Variants in KCNB2 observed in about 807,000 individuals in gnomAD.
KCNB2 encodes the protein delayed rectifier potassium channel protein.
Under a neutral mutation model 61.5 loss-of-function variants are expected in KCNB2, and 15 were observed. The observed-to-expected ratio is 0.24, with a 90% CI of 0.16 to 0.38. The LOEUF (loss-of-function observed/expected upper bound fraction) is 0.38. Among genes scored for constraint, KCNB2 ranks in the 10% least tolerant of loss-of-function variants. The pLI is 1.00. For missense variants in KCNB2, 828 were observed against 1,125.2 expected (o/e 0.74, Z 3.78); for synonymous variants, 457 against 446.0 (o/e 1.02, Z -0.31).
intron 2 of KCNB2, among the ~76,000 whole-genome samples, chr8:72,710,839 C>T (rs1807314307): frequency 6.6e-6 from 1 of 152,130 alleles, no homozygotes. Context: ...ACAGGTTTTC[C>T]TCAATGGGAA....
At chr8:72,678,868 C>A (rs1806706076) in intron 2 of KCNB2, among the ~76,000 whole-genome samples, 1 of 152,200 alleles carries the variant, frequency 6.6e-6, no homozygotes, top group South Asian at 2.1e-4. Context: ...TCCTGCCCAA[C>A]TATGCACCTC....
At chr8:72,808,488 GCA>G (rs541245894) in intron 2 of KCNB2, among the ~76,000 whole-genome samples, 142 of 152,244 alleles carry the variant, frequency 9.3e-4, no homozygotes, top group Middle Eastern at 3.4e-3. Context: ...AAACTGTTCA[GCA>G]CAGTCTATTT....
rs78419479 is a variant in KCNB2 at position 72,583,465 on chromosome 8, C to CA, written c.579+15162dup. ...AATTAATTCTTTCAAAATTCTGTGG[C>CA]AAAAAAAAAACAAAAAAAAACCTGT... On this transcript the variant is annotated intron_variant, in intron 2 of 2. Coordinates refer to ENST00000523207, the MANE Select transcript of KCNB2 (RefSeq NM_004770.3). 2.2e-3 allele frequency among the ~76,000 whole-genome samples: 322 copies of CA among 143,302 alleles called. 2 individuals are homozygous for CA. Among genetic ancestry groups the CA allele is most frequent in the Middle Eastern group, 7.0e-3 (2 of 284 alleles). 94.0% of individuals were successfully genotyped at this position (143,302 alleles called of 152,430 possible). A position where few individuals can be genotyped will look rare whatever the true frequency, so the allele number is the denominator to read the frequency against.
chr8:72,784,955 G>A (rs1040392666), intron 2 of KCNB2, among the ~76,000 whole-genome samples: 2 of 152,118 alleles, frequency 1.3e-5, no homozygotes, highest in Admixed American at 1.3e-4. Flanking sequence ...AAGTTGTATT[G>A]TGTGTTCTAC....
chr8:72,707,811 A>T (rs989280876), intron 2 of KCNB2, among the ~76,000 whole-genome samples: 1 of 152,208 alleles, frequency 6.6e-6, no homozygotes, highest in Non-Finnish European at 1.5e-5. Flanking sequence ...CAAGGAAATC[A>T]TCAATTAAGG....
intron 2 of KCNB2, among the ~76,000 whole-genome samples, chr8:72,720,833 T>C (rs555494731): frequency 2.0e-5 from 3 of 152,364 alleles, no homozygotes; most frequent in African/African-American, 7.2e-5. Flanking sequence ...CCCTAGATAC[T>C]ATAAATTATC....
At chr8:72,803,891 T>C (rs1404598396) in intron 2 of KCNB2, among the ~76,000 whole-genome samples, 1 of 152,146 alleles carries the variant, frequency 6.6e-6, no homozygotes, top group East Asian at 1.9e-4. Flanking sequence ...CCTTGGGCAA[T>C]AGCTTTACCT....
chr8:72,630,322 A>C (rs1805859393), intron 2 of KCNB2, among the ~76,000 whole-genome samples: 1 of 152,200 alleles, frequency 6.6e-6, no homozygotes, highest in African/African-American at 2.4e-5. Flanking sequence ...TCACATAATT[A>C]CTGATACAGA....
At chr8:72,787,333 G>A (rs999540902) in intron 2 of KCNB2, among the ~76,000 whole-genome samples, 3 of 152,044 alleles carry the variant, frequency 2.0e-5, no homozygotes, top group Admixed American at 6.6e-5. Flanking sequence ...GGAGTTTGAA[G>A]CTGAAGTAAG....
At position 72,833,239 on chromosome 8, in the gene KCNB2, G is replaced by A. The variant is rs2129002006; in HGVS notation, c.580-102696G>A. 2.0e-5 allele frequency among the ~76,000 whole-genome samples: 3 copies of A among 152,226 alleles called. 1 individual carries two copies. In the South Asian group the frequency reaches 6.2e-4, roughly 32 times the overall value. ...AATAAAATTTTAAAGAATAAAAATA[G>A]GAAGCTTCAGGAACTTTGATCAGCA... On this transcript the variant is annotated intron_variant, in intron 2 of 2. Transcript: ENST00000523207.
chr8:72,889,946 G>C (rs1464769388), intron 2 of KCNB2, among the ~76,000 whole-genome samples: 2 of 152,060 alleles, frequency 1.3e-5, no homozygotes, highest in Non-Finnish European at 2.9e-5. Context: ...AGTAGAGACA[G>C]GGCTTCATCA....
rs150881422 is a variant in KCNB2 at position 72,787,962 on chromosome 8, T to G, written c.580-147973T>G. On this transcript the variant is annotated intron_variant, in intron 2 of 2. Coordinates refer to ENST00000523207, the MANE Select transcript of KCNB2 (RefSeq NM_004770.3). Reference sequence around the variant, plus strand: ...GACAGACATCCAGATCTGGTGCTTCTTACTGTTTGTGACTTTAGGCAAGCT... The same window carrying G: ...GACAGACATCCAGATCTGGTGCTTCGTACTGTTTGTGACTTTAGGCAAGCT... Among the ~76,000 whole-genome samples the G allele has an allele frequency of 3.2e-3, 488 of 152,284 alleles. 3 individuals carry two copies. The highest frequency in any genetic ancestry group is 5.9e-3 in the Non-Finnish European group (402 of 68,014).
chr8:72,587,253 A>G (rs1475576524), intron 2 of KCNB2, among the ~76,000 whole-genome samples: 16 of 152,106 alleles, frequency 1.1e-4, no homozygotes, highest in African/African-American at 2.9e-4. Flanking sequence ...TTGTCAGCCT[A>G]TCCACCTCCC....
At chr8:72,555,930 T>A (rs1806419185) in intron 1 of KCNB2, among the ~76,000 whole-genome samples, 1 of 152,220 alleles carries the variant, frequency 6.6e-6, no homozygotes, top group East Asian at 1.9e-4. Context: ...TTAACCACAC[T>A]ACTCCTTTCA....
At chr8:72,695,748 G>A (rs2218180) in intron 2 of KCNB2, among the ~76,000 whole-genome samples, 107,489 of 151,986 alleles carry the variant, frequency 0.71, 38,973 homozygotes, top group African/African-American at 0.86. Context: ...TGTATTTCCT[G>A]AAACTGACTT....
intron 2 of KCNB2, among the ~76,000 whole-genome samples, chr8:72,691,964 C>T (rs549925029): frequency 1.3e-5 from 2 of 152,048 alleles, no homozygotes; most frequent in East Asian, 1.9e-4. Context: ...TGGCCGGGTG[C>T]GGTGGCTCAC....
At chr8:72,871,058 C>T (rs1046635176) in intron 2 of KCNB2, among the ~76,000 whole-genome samples, 1 of 152,122 alleles carries the variant, frequency 6.6e-6, no homozygotes, top group African/African-American at 2.4e-5. Context: ...CTGTTCCCCC[C>T]ACCAACGTAC....
chr8:72,920,110 T>C (rs1401530643), intron 2 of KCNB2, among the ~76,000 whole-genome samples: 1 of 152,092 alleles, frequency 6.6e-6, no homozygotes, highest in Non-Finnish European at 1.5e-5. Context: ...AATTAATTAC[T>C]TAAGTTATAT....
chr8:72,624,130 A>G (rs954849915), intron 2 of KCNB2, among the ~76,000 whole-genome samples: 1 of 152,182 alleles, frequency 6.6e-6, no homozygotes, highest in African/African-American at 2.4e-5. Context: ...AAATCTCTAT[A>G]ATGTTCATAT....
Sources: allele counts gnomAD v4.1 joint callset (sites outside exome capture counted in the v4.1 genomes callset), GRCh38; gene constraint gnomAD v4.1.1; transcripts MANE v1.5; gene names NCBI Gene and HGNC (gene_info 2026-07-23, HGNC 2026-07-21).